The following SCAMP2 variants were observed in gnomAD, a reference collection of about 807,000 sequenced individuals.
SCAMP2 encodes secretory carrier-associated membrane protein 2.
Under a neutral mutation model 44.1 loss-of-function variants are expected in SCAMP2, and 25 were observed. The observed-to-expected ratio is 0.57, with a 90% CI of 0.41 to 0.79. The LOEUF (loss-of-function observed/expected upper bound fraction) is 0.79, where lower values mean the gene tolerates loss of function less well. SCAMP2 is among the 30% of genes least tolerant of loss of function. SCAMP2 has a pLI of 0.00. For synonymous variants in SCAMP2, 156 were observed against 166.0 expected (o/e 0.94, Z 0.46); for missense variants, 355 against 411.0 (o/e 0.86, Z 1.18).
At chr15:74,859,647 C>CGCTCT (rs2064490138) in intron 1 of SCAMP2, among the ~76,000 whole-genome samples, 1 of 145,960 alleles carries the variant, frequency 6.9e-6, no homozygotes, top group Non-Finnish European at 1.5e-5. Flanking sequence ...GATGGAGTCT[C>CGCTCT]GCTCTGTTGC....
rs1244815434 is a variant in SCAMP2, at chr15:74,873,266, G to A, written c.-11C>T. Reference sequence around the variant, plus strand: ...GTCGAAAGCCGACATGGTGATCGGGGGCCAGCGGGCGAACTCCGCGAACGC... The same window carrying A: ...GTCGAAAGCCGACATGGTGATCGGGAGCCAGCGGGCGAACTCCGCGAACGC... On this transcript the variant is annotated 5_prime_UTR_variant, in exon 1 of 9. Transcript: ENST00000268099. 2.7e-6 allele frequency: 4 copies of A among 1,478,938 alleles called. No homozygotes were observed. The highest frequency in any genetic ancestry group is 3.6e-6 in the Non-Finnish European group (4 of 1,118,984). The allele number at this position is 1,478,938 out of a possible 1,614,324, so 91.6% of individuals were successfully genotyped here. A position where few individuals can be genotyped will look rare whatever the true frequency, so the allele number is the denominator to read the frequency against.
At chr15:74,852,403 C>T (rs1208717248) in intron 3 of SCAMP2, 4 of 392,308 alleles carry the variant, frequency 1.0e-5, no homozygotes, top group Non-Finnish European at 1.8e-5. Context: ...GACCCCTTGG[C>T]CATGACTAAG....
intron 1 of SCAMP2, among the ~76,000 whole-genome samples, chr15:74,858,737 C>T (rs1426515036): frequency 6.6e-6 from 1 of 151,154 alleles, no homozygotes; most frequent in East Asian, 1.9e-4. Flanking sequence ...ATGAGCCCCA[C>T]TCCAGGAGGA....
chr15:74,848,885 G>C (rs1260969246), intron 6 of SCAMP2, among the ~76,000 whole-genome samples, 184 bp from the exon 7 acceptor site: 1 of 152,024 alleles, frequency 6.6e-6, no homozygotes, highest in Non-Finnish European at 1.5e-5. Flanking sequence ...ATCAAGAAGA[G>C]CTTGCCTTTC....
chr15:74,847,424 G>A (rs1162155938), intron 7 of SCAMP2, among the ~76,000 whole-genome samples: 2 of 152,192 alleles, frequency 1.3e-5, no homozygotes, highest in African/African-American at 2.4e-5. Flanking sequence ...CAGTACAGGT[G>A]CAAACGGCAG....
chr15:74,858,091 G>A (rs976784064), intron 1 of SCAMP2, among the ~76,000 whole-genome samples: 3 of 152,188 alleles, frequency 2.0e-5, no homozygotes, highest in Non-Finnish European at 4.4e-5. Context: ...GGCTCTTTCT[G>A]AAAGATGTGC....
At chr15:74,871,282 C>T (rs1431897468) in intron 1 of SCAMP2, among the ~76,000 whole-genome samples, 1 of 150,110 alleles carries the variant, frequency 6.7e-6, no homozygotes, top group East Asian at 2.0e-4. Flanking sequence ...AGCGAGACCC[C>T]TTCTCTACAA....
intron 1 of SCAMP2, among the ~76,000 whole-genome samples, chr15:74,856,473 C>T (rs2064469782): frequency 6.6e-6 from 1 of 151,562 alleles, no homozygotes; most frequent in Admixed American, 6.6e-5. Context: ...TGGGGTTTCA[C>T]CATGTTGGGC....
chr15:74,856,264 CTTTTT>C (rs34812536), intron 1 of SCAMP2, among the ~76,000 whole-genome samples: 65 of 60,418 alleles, frequency 1.1e-3, no homozygotes, highest in Non-Finnish European at 1.6e-3. Context: ...AGAGCCAGTT[CTTTTT>C]TTTTTTTTTT....
chr15:74,854,028 G>T lies in SCAMP2; in HGVS notation c.218C>A (p.Thr73Asn). The T allele has an allele frequency of 6.2e-7, 1 of 1,613,784 alleles. No individual in the cohort carries two copies. The highest frequency in any genetic ancestry group is 1.3e-5 in the African/African-American group (1 of 75,062). Residue 73 changes from threonine to asparagine, a missense_variant, in exon 3 of 9, where the codon ACC becomes AAC. Coordinates refer to ENST00000268099, the MANE Select transcript of SCAMP2 (RefSeq NM_005697.5). ...LQPSVEPTQP[T>N]PQAVVSAAQA... ...GTTCTTTGTCAGCACTACCTGGGGG[G>T]TCGGCTGGGTTGGTTCCACTGATGG...
chr15:74,849,064 G>A (rs2064417797), intron 6 of SCAMP2, among the ~76,000 whole-genome samples: 1 of 150,212 alleles, frequency 6.7e-6, no homozygotes, highest in Admixed American at 6.6e-5. Context: ...AGAAAAATAA[G>A]TAAATAAAAA....
Position 74,873,243 on chromosome 15 carries a change from C to T in SCAMP2, c.13G>A (p.Asp5Asn). MSAF[D>N]TNPFADPVDV... Reference sequence around the variant, plus strand: ...ACTGGGTCCGCGAAGGGGTTGGTGTCGAAAGCCGACATGGTGATCGGGGGC... The same window carrying T: ...ACTGGGTCCGCGAAGGGGTTGGTGTTGAAAGCCGACATGGTGATCGGGGGC... Residue 5 changes from aspartate (D) to asparagine (N), a missense_variant, in exon 1 of 9, where the codon GAC becomes AAC. By Grantham distance (23) the Asp-to-Asn change is conservative. Coordinates refer to ENST00000268099, the MANE Select transcript of SCAMP2 (RefSeq NM_005697.5). 1 of 1,468,942 alleles carries T rather than the reference C, an allele frequency of 6.8e-7. No homozygotes were observed. Among genetic ancestry groups the T allele is most frequent in the Non-Finnish European group, 9.0e-7 (1 of 1,116,164 alleles). 91.0% of individuals were successfully genotyped at this position (1,468,942 alleles called of 1,614,324 possible). A position where few individuals can be genotyped will look rare whatever the true frequency, so the allele number is the denominator to read the frequency against.
intron 7 of SCAMP2, among the ~76,000 whole-genome samples, chr15:74,847,943 G>A (rs1320237485): frequency 6.6e-6 from 1 of 152,202 alleles, no homozygotes; most frequent in Non-Finnish European, 1.5e-5. Flanking sequence ...TCAGCTTTCA[G>A]GAGGGTGTGG....
Position 74,854,090 on chromosome 15 carries a change from G to A in SCAMP2, c.156C>T (p.Thr52=), listed in dbSNP as rs751408106. ...CTGGCTGTGAGGACCCAGGGAGTTGGGTGACAGGAACTGTTGTCGCTGCAT... is the reference window on the plus strand; with the variant it reads ...CTGGCTGTGAGGACCCAGGGAGTTGAGTGACAGGAACTGTTGTCGCTGCAT... The part of the protein sequence containing the change: ...ETNAATTVPV[T]QLPGSSQPAV... Residue 52 remains threonine (T), a synonymous_variant, in exon 3 of 9, where the codon ACC becomes ACT. Coordinates refer to ENST00000268099, the MANE Select transcript of SCAMP2 (RefSeq NM_005697.5). 12 of 1,614,176 alleles carry A rather than the reference G, an allele frequency of 7.4e-6. No homozygotes were observed. Among genetic ancestry groups the A allele is most frequent in the South Asian group, 1.1e-5 (1 of 91,090 alleles).
Position 74,854,611 on chromosome 15 carries a change from G to A in SCAMP2, c.96C>T (p.Gly32=), listed in dbSNP as rs779342805. Residue 32 remains glycine (G), a synonymous_variant, in exon 2 of 9, where the codon GGC becomes GGT. Coordinates refer to ENST00000268099, the MANE Select transcript of SCAMP2 (RefSeq NM_005697.5). ...SVTQLTNAPQ[G]GLAEFNPFSE... is the part of the protein sequence containing the mutation. ...AGAAGGGGTTGAATTCCGCCAGGCCGCCCTGCGGGGCGTTGGTCAGCTGGG... is the reference window on the plus strand; with the variant it reads ...AGAAGGGGTTGAATTCCGCCAGGCCACCCTGCGGGGCGTTGGTCAGCTGGG... 1.1e-5 allele frequency: 17 copies of A among 1,607,976 alleles called. No individual in the cohort carries two copies. Among genetic ancestry groups the A allele is most frequent in the East Asian group, 9.0e-5 (4 of 44,650 alleles).
intron 1 of SCAMP2, among the ~76,000 whole-genome samples, chr15:74,864,354 C>A (rs1399876656): frequency 6.6e-6 from 1 of 152,184 alleles, no homozygotes; most frequent in African/African-American, 2.4e-5. Flanking sequence ...AGCCACCGCA[C>A]CTGGCCGAGA....
Position 74,848,628 on chromosome 15 carries a change from A to C in SCAMP2, c.706T>G (p.Leu236Val). The change falls in exon 7 of 9, where the codon TTG becomes GTG. Residue 236 changes from leucine to valine, a missense_variant. Leu to Val is a conservative substitution (Grantham distance 32). Transcript: ENST00000268099. Reference sequence around the variant, plus strand: ...TCCCCCAGGCCAGGGATGCCAACCAACTGGATGATGTAGATCCCTATTTGA... The same window carrying C: ...TCCCCCAGGCCAGGGATGCCAACCACCTGGATGATGTAGATCCCTATTTGA... Reference protein sequence around the residue: ...FCQIGIYIIQLVGIPGLGDSG... With the variant: ...FCQIGIYIIQVVGIPGLGDSG... 6.2e-7 allele frequency: 1 copy of C among 1,613,080 alleles called. No homozygotes were observed.
rs1370268941 is a variant in SCAMP2 at position 74,848,626 on chromosome 15, C to T, written c.708G>A (p.Leu236=). Residue 236 remains leucine, a synonymous_variant, in exon 7 of 9, where the codon TTG becomes TTA. Transcript: ENST00000268099. The part of the protein sequence containing the change: ...FCQIGIYIIQ[L]VGIPGLGDSG... ...TGTCCCCCAGGCCAGGGATGCCAAC[C>T]AACTGGATGATGTAGATCCCTATTT... 2 of 1,612,834 alleles carry T rather than the reference C, an allele frequency of 1.2e-6. No homozygotes were observed. Among genetic ancestry groups the T allele is most frequent in the Non-Finnish European group, 1.7e-6 (2 of 1,178,892 alleles).
In SCAMP2 at chr15:74,873,273, G is replaced by A; in HGVS notation, c.-18C>T. The stretch of plus-strand genomic sequence containing the variant: ...GCCGACATGGTGATCGGGGGCCAGC[G>A]GGCGAACTCCGCGAACGCTGCTGCC... On this transcript the variant is annotated 5_prime_UTR_variant, in exon 1 of 9. Transcript: ENST00000268099. 2 of 1,478,538 alleles carry A rather than the reference G, an allele frequency of 1.4e-6. No individual in the cohort carries two copies. Among genetic ancestry groups the A allele is most frequent in the Middle Eastern group, 3.5e-4 (2 of 5,780 alleles). 91.6% of individuals were successfully genotyped at this position (1,478,538 alleles called of 1,614,324 possible).
Sources: allele counts gnomAD v4.1 joint callset (sites outside exome capture counted in the v4.1 genomes callset), GRCh38; gene constraint gnomAD v4.1.1; transcripts MANE v1.5; gene names NCBI Gene and HGNC (gene_info 2026-07-23, HGNC 2026-07-21).